Variants in IRAG1 observed in about 807,000 individuals in gnomAD.
IRAG1 encodes IP3R-associated cGMP kinase substrate.
In IRAG1, 62 loss-of-function variants were observed where a neutral mutation model predicts 106.2. That is an observed-to-expected ratio of 0.58 (90% CI 0.48 to 0.72). IRAG1 has a LOEUF of 0.72. IRAG1 is among the 30% of genes least tolerant of loss of function. The pLI, the probability that IRAG1 is intolerant of heterozygous loss-of-function variation, is 0.00. For synonymous variants in IRAG1, 462 were observed against 443.9 expected (o/e 1.04, Z -0.51); for missense variants, 1,064 against 1,140.7 (o/e 0.93, Z 0.97).
chr11:10,685,103 T>C (rs1279503801), intron 1 of IRAG1, among the ~76,000 whole-genome samples: 4 of 152,162 alleles, frequency 2.6e-5, no homozygotes, highest in Non-Finnish European at 4.4e-5. Flanking sequence ...ATTTTGGTCA[T>C]TGGAAAGGGT....
At chr11:10,607,054 G>A (rs919452993) in intron 11 of IRAG1, among the ~76,000 whole-genome samples, 2 of 152,124 alleles carry the variant, frequency 1.3e-5, no homozygotes, top group Non-Finnish European at 2.9e-5. Flanking sequence ...CCTTGCAGAG[G>A]TATTATAAGC....
chr11:10,633,071 CTTTCT>C (rs1244370621), intron 3 of IRAG1, among the ~76,000 whole-genome samples: 17 of 136,582 alleles, frequency 1.2e-4, no homozygotes, highest in African/African-American at 3.5e-4. Flanking sequence ...CTTTTTCTTT[CTTTCT>C]TTTTTTTTTT....
chr11:10,638,006 A>G (rs916704712), intron 2 of IRAG1, among the ~76,000 whole-genome samples: 18 of 152,334 alleles, frequency 1.2e-4, no homozygotes. Flanking sequence ...ATCTCTTCAC[A>G]TCATTAAAAA....
At chr11:10,668,542 T>C (rs1341468916) in intron 1 of IRAG1, among the ~76,000 whole-genome samples, 1 of 152,214 alleles carries the variant, frequency 6.6e-6, no homozygotes, top group Non-Finnish European at 1.5e-5. Context: ...TCTATGGCTG[T>C]TTTCATGCTA....
At chr11:10,627,574 CT>C (rs2134584227) in intron 8 of IRAG1, 141 bp downstream of exon 8, 1 of 830,464 alleles carries the variant, frequency 1.2e-6, no homozygotes, top group Non-Finnish European at 2.0e-6. Context: ...GCAGGGGAAT[CT>C]GCTGTTTCCC....
At chr11:10,600,847 C>G in intron 15 of IRAG1, 71 bp downstream of exon 15, 3 of 1,594,640 alleles carry the variant, frequency 1.9e-6, no homozygotes, top group Non-Finnish European at 2.6e-6. Flanking sequence ...TCTGACAGCT[C>G]TAATCCTAGC....
intron 1 of IRAG1, among the ~76,000 whole-genome samples, chr11:10,666,551 C>T (rs1433884825): frequency 3.3e-5 from 5 of 152,206 alleles, no homozygotes; most frequent in Non-Finnish European, 5.9e-5. Context: ...AGTTTGTCAT[C>T]GTGGAGAAGG....
At position 10,659,040 on chromosome 11, in the gene IRAG1, G is replaced by A. The variant is rs1398323842; in HGVS notation, c.68-6858C>T. Among the ~76,000 whole-genome samples, 1 of 152,026 alleles carries A rather than the reference G, an allele frequency of 6.6e-6. No individual in the cohort carries two copies. The highest frequency in any genetic ancestry group is 1.5e-5 in the Non-Finnish European group (1 of 67,994). ...TGTGCTGTGCTTGCCCCAGATCTGT[G>A]CTGTGCTTAGTCCCAGGTCTGGGCT... is the stretch of plus-strand genomic sequence containing the variant. On this transcript the variant is annotated intron_variant, in intron 1 of 20. Coordinates refer to ENST00000423302, the MANE Select transcript of IRAG1 (RefSeq NM_130385.4). The surrounding 1 kb of genome is among the most constrained non-coding windows in gnomAD (Gnocchi z 4.1).
rs528324051 is a variant in IRAG1 at position 10,657,480 on chromosome 11, G to A, written c.68-5298C>T. 6.6e-5 allele frequency among the ~76,000 whole-genome samples: 10 copies of A among 152,156 alleles called. No homozygotes were observed. Among genetic ancestry groups the A allele is most frequent in the Non-Finnish European group, 1.0e-4 (7 of 68,022 alleles). On this transcript the variant is annotated intron_variant, in intron 1 of 20. Transcript: ENST00000423302. This position sits in a 1 kb window ranked among gnomAD's most constrained non-coding sequence, Gnocchi z 4.1. ...CCACAGTATCCCAGGAGCACAGCCCGTAAGCTAAGCGGCTCTCAGATTCTC... is the reference window on the plus strand; with the variant it reads ...CCACAGTATCCCAGGAGCACAGCCCATAAGCTAAGCGGCTCTCAGATTCTC...
intron 8 of IRAG1, among the ~76,000 whole-genome samples, chr11:10,627,367 C>T (rs1245789037): frequency 6.6e-6 from 1 of 152,162 alleles, no homozygotes; most frequent in East Asian, 1.9e-4. Flanking sequence ...AGACAGAATC[C>T]CAGGCAGGGG....
intron 1 of IRAG1, among the ~76,000 whole-genome samples, chr11:10,686,125 C>T (rs1258670248): frequency 6.6e-6 from 1 of 152,178 alleles, no homozygotes; most frequent in Non-Finnish European, 1.5e-5. Context: ...AGAGGACTCC[C>T]ATGTGCTCAA....
intron 2 of IRAG1, among the ~76,000 whole-genome samples, chr11:10,648,908 C>T (rs1451518040): frequency 6.6e-6 from 1 of 152,114 alleles, no homozygotes; most frequent in Non-Finnish European, 1.5e-5. Context: ...AGTGCTCATG[C>T]CAGTGATGGG....
chr11:10,633,011 T>C (rs1312509320), intron 3 of IRAG1, among the ~76,000 whole-genome samples: 1 of 152,148 alleles, frequency 6.6e-6, no homozygotes, highest in African/African-American at 2.4e-5. Flanking sequence ...GGTAAGTAAA[T>C]CTTTGACATA....
At chr11:10,579,867 G>C (rs1851218379) in intron 20 of IRAG1, among the ~76,000 whole-genome samples, 2 of 152,194 alleles carry the variant, frequency 1.3e-5, no homozygotes, top group Admixed American at 1.3e-4. Flanking sequence ...TTAGGGGAAA[G>C]TACCTTTGAA....
At chr11:10,606,628 CTCTT>C in intron 12 of IRAG1, 110 bp downstream of exon 12, 1 of 1,094,008 alleles carries the variant, frequency 9.1e-7, no homozygotes, top group Non-Finnish European at 1.3e-6. Context: ...CCCACAGTCA[CTCTT>C]TCTCATTTTT....
chr11:10,604,676 G>T, intron 12 of IRAG1, 131 bp from the exon 13 acceptor site: 2 of 1,114,476 alleles, frequency 1.8e-6, no homozygotes, highest in Non-Finnish European at 2.6e-6. Flanking sequence ...AAGCAGCCAT[G>T]TGCAAGGGAA....
Position 10,657,926 on chromosome 11 carries a change from C to T in IRAG1, c.68-5744G>A, listed in dbSNP as rs956809234. On this transcript the variant is annotated intron_variant, in intron 1 of 20. Transcript: ENST00000423302. This position sits in a 1 kb window ranked among gnomAD's most constrained non-coding sequence, Gnocchi z 4.1. ...GTGAGGGGCAGAGTCAGAAAAGTCC[C>T]CAGAGCACCCATGCCCCGAGCCCGG... 3.3e-5 allele frequency among the ~76,000 whole-genome samples: 5 copies of T among 152,190 alleles called. No individual in the cohort carries two copies. Among genetic ancestry groups the T allele is most frequent in the Non-Finnish European group, 5.9e-5 (4 of 68,038 alleles).
intron 1 of IRAG1, among the ~76,000 whole-genome samples, chr11:10,680,559 G>A (rs1039945524): frequency 2.7e-5 from 4 of 150,438 alleles, no homozygotes; most frequent in African/African-American, 9.8e-5. Context: ...AAGGGGAAGG[G>A]GAAGGGGAAG....
chr11:10,617,513 T>A (rs1855522671), intron 10 of IRAG1, among the ~76,000 whole-genome samples: 1 of 152,228 alleles, frequency 6.6e-6, no homozygotes, highest in South Asian at 2.1e-4. Context: ...GAATGTATTA[T>A]GAAATGCATT....
Sources: allele counts gnomAD v4.1 joint callset (sites outside exome capture counted in the v4.1 genomes callset), GRCh38; gene constraint gnomAD v4.1.1; non-coding constraint Gnocchi (gnomAD v3.1); transcripts MANE v1.5; gene names NCBI Gene and HGNC (gene_info 2026-07-23, HGNC 2026-07-21).